The following ZNF532 variants were observed in gnomAD, a reference collection of about 807,000 sequenced individuals.
The protein encoded by ZNF532 is zinc finger protein 532.
A neutral mutation model predicts 89.3 loss-of-function variants in ZNF532; 22 were observed. The ratio of observed to expected loss-of-function variants is 0.25; its 90% CI spans 0.18 to 0.35. The LOEUF (loss-of-function observed/expected upper bound fraction) is 0.35. Ranked by LOEUF, ZNF532 falls within the 10% of genes least tolerant of loss-of-function variation. The pLI is 1.00. For missense variants in ZNF532, 1,132 were observed against 1,643.4 expected (o/e 0.69, Z 5.38); for synonymous variants, 606 against 649.6 (o/e 0.93, Z 1.02).
At chr18:58,921,291 C>T (rs779489931) in intron 3 of ZNF532, among the ~76,000 whole-genome samples, 3 of 151,986 alleles carry the variant, frequency 2.0e-5, no homozygotes, top group Non-Finnish European at 4.4e-5. Context: ...GTATTTGAGC[C>T]CGGCTTCATC....
intron 3 of ZNF532, 70 bp from the exon 4 acceptor site, chr18:58,934,363 A>T: frequency 1.4e-6 from 2 of 1,417,656 alleles, no homozygotes; most frequent in Non-Finnish European, 9.7e-7. Context: ...CTGGAGGTTT[A>T]ACCAAGGTTC....
chr18:58,899,400 A>T (rs957381837), intron 2 of ZNF532, among the ~76,000 whole-genome samples: 1 of 152,002 alleles, frequency 6.6e-6, no homozygotes, highest in African/African-American at 2.4e-5. Context: ...GTCTTGGGAG[A>T]TGTTCCTGTA....
chr18:58,942,311 C>G (rs374010350), intron 5 of ZNF532, among the ~76,000 whole-genome samples: 2 of 125,998 alleles, frequency 1.6e-5, no homozygotes, highest in Non-Finnish European at 3.2e-5. Flanking sequence ...CGTGAGCCAC[C>G]GCGCCTGGCC....
At chr18:58,930,510 C>A (rs1230842760) in intron 3 of ZNF532, among the ~76,000 whole-genome samples, 1 of 151,974 alleles carries the variant, frequency 6.6e-6, no homozygotes, top group Admixed American at 6.6e-5. Flanking sequence ...TGCCTGCAGT[C>A]CCAGCTACTT....
In ZNF532 at chr18:58,919,511, G is replaced by T; in HGVS notation, c.1224G>T (p.Ser408=). 1 of 1,614,100 alleles carries T rather than the reference G, an allele frequency of 6.2e-7. No homozygotes were observed. Among genetic ancestry groups the T allele is most frequent in the Non-Finnish European group, 8.5e-7 (1 of 1,180,020 alleles). The change falls in exon 3 of 10, where the codon TCG becomes TCT. Residue 408 remains serine (S), a synonymous_variant. Transcript: ENST00000591808. This position sits in a 1 kb window ranked among gnomAD's most constrained non-coding sequence, Gnocchi z 6.1. ...SVMASVTSLL[S]SPASAAVLSS... ...TGGCCTCTGTGACATCCCTTCTGTC[G>T]TCTCCAGCATCAGCCGCCGTCCTTT...
chr18:58,958,207 G>T (rs546839557), intron 7 of ZNF532, among the ~76,000 whole-genome samples: 8 of 151,414 alleles, frequency 5.3e-5, no homozygotes, highest in Non-Finnish European at 8.8e-5. Flanking sequence ...CCAGTTATTT[G>T]TCGTAATCTG....
chr18:58,920,042 C>T lies in ZNF532; in HGVS notation c.1755C>T (p.Asn585=), dbSNP rs758810134. Residue 585 remains asparagine, a synonymous_variant, in exon 3 of 10, where the codon AAC becomes AAT. Transcript: ENST00000591808. Reference sequence around the variant, plus strand: ...AGAGTTCTGTGGTGGAAGCTTTCAACAAGGTGCTGAGCAGTGTCAATCCAG... The same window carrying T: ...AGAGTTCTGTGGTGGAAGCTTTCAATAAGGTGCTGAGCAGTGTCAATCCAG... The part of the protein sequence containing the change: ...SLQSSVVEAF[N]KVLSSVNPVP... The T allele has an allele frequency of 4.3e-6, 7 of 1,613,750 alleles. No individual in the cohort carries two copies. Among genetic ancestry groups the T allele is most frequent in the Non-Finnish European group, 5.9e-6 (7 of 1,179,850 alleles).
intron 7 of ZNF532, among the ~76,000 whole-genome samples, chr18:58,955,608 T>C (rs2064688650): frequency 6.6e-6 from 1 of 152,252 alleles, no homozygotes; most frequent in Non-Finnish European, 1.5e-5. Flanking sequence ...GAAACTGACA[T>C]GTTTTACTTT....
At chr18:58,942,337 C>T (rs188974384) in intron 5 of ZNF532, among the ~76,000 whole-genome samples, 1,174 of 63,340 alleles carry the variant, frequency 0.019, 57 homozygotes, top group Admixed American at 0.03. Flanking sequence ...CTCCCTCCCT[C>T]CCTCCCTCCC....
At chr18:58,942,329 CCCT>C (rs2063210855) in intron 5 of ZNF532, among the ~76,000 whole-genome samples, 1 of 55,532 alleles carries the variant, frequency 1.8e-5, no homozygotes, top group Non-Finnish European at 3.3e-5. Context: ...GCCCCTCCCT[CCCT>C]CCCTCCCTCC....
In ZNF532 at chr18:58,902,147, G is replaced by C. The variant is rs189004252; in HGVS notation, c.-17-16124G>C. Among the ~76,000 whole-genome samples, 621 of 152,246 alleles carry C rather than the reference G, an allele frequency of 4.1e-3. 2 individuals are homozygous for C. The highest frequency in any genetic ancestry group is 0.014 in the African/African-American group (565 of 41,546). On this transcript the variant is annotated intron_variant, in intron 2 of 9. Transcript: ENST00000591808. Reference sequence around the variant, plus strand: ...TGCGCATCCCAGTGCTCTGCTCTCTGTGGGGCCTGGTCTGTGAGCCCGGCC... The same window carrying C: ...TGCGCATCCCAGTGCTCTGCTCTCTCTGGGGCCTGGTCTGTGAGCCCGGCC...
chr18:58,883,721 C>T (rs2058083646), intron 2 of ZNF532, among the ~76,000 whole-genome samples: 1 of 152,060 alleles, frequency 6.6e-6, no homozygotes, highest in African/African-American at 2.4e-5. Flanking sequence ...TCCTGTGCGT[C>T]TTAGGATGTT....
rs541191411 is a variant in ZNF532 at position 58,902,420 on chromosome 18, G to A, written c.-17-15851G>A. On this transcript the variant is annotated intron_variant, in intron 2 of 9. Coordinates refer to ENST00000591808, the MANE Select transcript of ZNF532 (RefSeq NM_001375912.1). The stretch of plus-strand genomic sequence containing the variant: ...TTGCCCCAGACTGGCGTGCAGTGGC[G>A]TGATCATTTTGCTGCCTTTTAAGAG... Among the ~76,000 whole-genome samples the A allele has an allele frequency of 9.2e-5, 14 of 151,878 alleles. No homozygotes were observed. In the East Asian group the frequency reaches 1.5e-3, roughly 17 times the overall value.
chr18:58,977,181 CAGACTGATTTGGTTTATTTA>C (rs2067157183), intron 7 of ZNF532, among the ~76,000 whole-genome samples: 1 of 151,720 alleles, frequency 6.6e-6, no homozygotes, highest in Non-Finnish European at 1.5e-5. Flanking sequence ...GAATATCTAC[CAGACTGATTTGGTTTATTTA>C]AAAGACAGAC....
At chr18:58,910,578 C>T (rs1202235387) in intron 2 of ZNF532, among the ~76,000 whole-genome samples, 9 of 151,670 alleles carry the variant, frequency 5.9e-5, no homozygotes, top group East Asian at 3.9e-4. Flanking sequence ...ACGATTTTGC[C>T]GCTTCAGCCT....
chr18:58,934,552 G>A lies in ZNF532; in HGVS notation c.2466G>A (p.Ser822=), dbSNP rs777136355. The change falls in exon 4 of 10, where the codon TCG becomes TCA. Residue 822 remains serine (S), a synonymous_variant. Coordinates refer to ENST00000591808, the MANE Select transcript of ZNF532 (RefSeq NM_001375912.1). ...TCPECGAICR[S]VHFQTHVTKN... ...CTGAGTGTGGGGCCATCTGCAGGTC[G>A]GTGCACTTCCAGACCCACGTCACCA... 7.4e-6 allele frequency: 12 copies of A among 1,614,118 alleles called. No homozygotes were observed. The highest frequency in any genetic ancestry group is 5.5e-5 in the South Asian group (5 of 91,058).
rs1368679595 is a variant in ZNF532 at position 58,919,784 on chromosome 18, C to T, written c.1497C>T (p.Ala499=). 6.2e-7 allele frequency: 1 copy of T among 1,614,124 alleles called. No individual in the cohort carries two copies. Among genetic ancestry groups the T allele is most frequent in the East Asian group, 2.2e-5 (1 of 44,886 alleles). ...ASSAIIKAAN[A]IQQQTVVVPA... Reference sequence around the variant, plus strand: ...GCGCCATCATTAAAGCTGCCAACGCCATCCAGCAGCAAACTGTCGTGGTGC... The same window carrying T: ...GCGCCATCATTAAAGCTGCCAACGCTATCCAGCAGCAAACTGTCGTGGTGC... The change falls in exon 3 of 10, where the codon GCC becomes GCT. Residue 499 remains alanine (A), a synonymous_variant. Coordinates refer to ENST00000591808, the MANE Select transcript of ZNF532 (RefSeq NM_001375912.1). This position sits in a 1 kb window ranked among gnomAD's most constrained non-coding sequence, Gnocchi z 6.1.
intron 7 of ZNF532, 28 bp from the exon 8 acceptor site, chr18:58,979,027 T>C (rs769946084): frequency 6.4e-7 from 1 of 1,568,194 alleles, no homozygotes; most frequent in Non-Finnish European, 8.8e-7. Flanking sequence ...TTTCATTCCC[T>C]TAAGTGAACT....
intron 2 of ZNF532, among the ~76,000 whole-genome samples, chr18:58,914,590 G>A (rs1200040504): frequency 6.6e-6 from 1 of 152,194 alleles, no homozygotes; most frequent in Non-Finnish European, 1.5e-5. Context: ...TGAGGCAGGA[G>A]AATTGCTTGA....
Sources: allele counts gnomAD v4.1 joint callset (sites outside exome capture counted in the v4.1 genomes callset), GRCh38; gene constraint gnomAD v4.1.1; non-coding constraint Gnocchi (gnomAD v3.1); transcripts MANE v1.5; gene names NCBI Gene and HGNC (gene_info 2026-07-23, HGNC 2026-07-21).